SPRY3: variants seen among roughly 807,000 people sequenced by gnomAD.
SPRY3 encodes protein sprouty homolog 3.
In SPRY3, 15 loss-of-function variants were observed where a neutral mutation model predicts 20.2. The ratio of observed to expected loss-of-function variants is 0.74; its 90% CI spans 0.50 to 1.14. SPRY3 has a LOEUF of 1.14. Ranked by LOEUF, SPRY3 falls within the 50% of genes most tolerant of loss-of-function variation. The probability of loss-of-function intolerance (pLI) is 0.00; values close to 1 mark genes in which losing one functional copy is unlikely to be tolerated. For missense variants in SPRY3, 364 were observed against 363.9 expected (o/e 1.00, Z 0.00); for synonymous variants, 143 against 136.5 (o/e 1.05, Z -0.33).
intron 2 of SPRY3, among the ~76,000 whole-genome samples, chrX:155,673,162 T>C (rs1472559044): frequency 2.9e-5 from 3 of 103,770 alleles, no homozygotes; most frequent in Non-Finnish European, 3.9e-5. Context: ...CATGTATACA[T>C]ATGTAACTAA....
At chrX:155,629,510 G>A (rs2124527108) in intron 1 of SPRY3, among the ~76,000 whole-genome samples, 1 of 111,227 alleles carries the variant, frequency 9.0e-6, no homozygotes, top group East Asian at 2.8e-4. Context: ...ATAATCCTTT[G>A]GGTGTATACC....
At chrX:155,697,536 TAC>T (rs200614200) in intron 2 of SPRY3, among the ~76,000 whole-genome samples, 349 of 108,147 alleles carry the variant, frequency 3.2e-3, no homozygotes, top group African/African-American at 0.011. Context: ...TATATATATA[TAC>T]ACATATATAT....
downstream of SPRY3, chrX:155,778,211 T>C (rs1021050739): frequency 6.0e-6 from 1 of 167,038 alleles, no homozygotes; most frequent in African/African-American, 2.4e-5. Flanking sequence ...GAGCACAGTG[T>C]AAACCATTCT....
chrX:155,735,880 C>T (rs1186354206), intron 2 of SPRY3, among the ~76,000 whole-genome samples: 1 of 151,618 alleles, frequency 6.6e-6, no homozygotes, highest in Non-Finnish European at 1.5e-5. Flanking sequence ...GGTTCTTTAT[C>T]TTTTTCTATC....
chrX:155,690,897 A>G (rs1185412462), intron 2 of SPRY3, among the ~76,000 whole-genome samples: 8 of 87,673 alleles, frequency 9.1e-5, no homozygotes, highest in Non-Finnish European at 1.7e-4. Context: ...ATATACCTTT[A>G]TCAATATATG....
chrX:155,645,170 C>T (rs1297962468), intron 1 of SPRY3, among the ~76,000 whole-genome samples: 2 of 111,602 alleles, frequency 1.8e-5, no homozygotes, highest in African/African-American at 6.5e-5. Context: ...GGTGCACTAT[C>T]CTACTATGGC....
chrX:155,657,211 C>G (rs2067995013), intron 2 of SPRY3, among the ~76,000 whole-genome samples: 1 of 111,919 alleles, frequency 8.9e-6, no homozygotes, highest in African/African-American at 3.2e-5. Flanking sequence ...TGAAGCTACA[C>G]CCACTGCCAC....
chrX:155,689,883 T>G lies in SPRY3; in HGVS notation c.-282+32858T>G, dbSNP rs1195909238. On this transcript the variant is annotated intron_variant, in intron 2 of 3. Coordinates refer to ENST00000675360, the Ensembl canonical transcript of SPRY3. ...AGCCTTGGGGTTGGTTTGCTCTTGG[T>G]TCTCTAGTTCATTTCGTTGTGATGT... Among the ~76,000 whole-genome samples the G allele has an allele frequency of 6.9e-5, 6 of 87,575 alleles. 1 individual carries two copies. The highest frequency in any genetic ancestry group is 1.3e-4 in the Non-Finnish European group (6 of 46,952). 76.0% of individuals were successfully genotyped at this position (87,575 alleles called of 115,157 possible).
At chrX:155,778,140 G>A (rs1215285955), downstream of SPRY3, 1 of 167,002 alleles carries the variant, frequency 6.0e-6, no homozygotes, top group Non-Finnish European at 1.5e-5. Flanking sequence ...GTAGAGCTAA[G>A]ATTTGAACCC....
At chrX:155,692,093 C>T (rs778751098) in intron 2 of SPRY3, among the ~76,000 whole-genome samples, 1 of 108,848 alleles carries the variant, frequency 9.2e-6, no homozygotes, top group South Asian at 4.0e-4. Flanking sequence ...AAAATGAACT[C>T]GTGGAGATAG....
intron 2 of SPRY3, among the ~76,000 whole-genome samples, chrX:155,718,642 A>G (rs1252139528): frequency 6.6e-6 from 1 of 152,144 alleles, no homozygotes; most frequent in Non-Finnish European, 1.5e-5. Context: ...AATAAATATG[A>G]CATTTCAAAT....
At chrX:155,660,800 T>C (rs887384017) in intron 2 of SPRY3, among the ~76,000 whole-genome samples, 1 of 110,245 alleles carries the variant, frequency 9.1e-6, no homozygotes, top group Non-Finnish European at 1.9e-5. Context: ...TTTTTTTTAC[T>C]GTTGCTAGTT....
Position 155,721,599 on chromosome X carries a change from G to C in SPRY3, c.-281-46363G>C, listed in dbSNP as rs759237927. On this transcript the variant is annotated intron_variant, in intron 2 of 3. Coordinates refer to ENST00000675360, the Ensembl canonical transcript of SPRY3. ...CATACTATGGAGCTCCAATAACCTG[G>C]CAGCAGACTTTTCAGTGGAAAGCTT... Among the ~76,000 whole-genome samples, 55 of 152,182 alleles carry C rather than the reference G, an allele frequency of 3.6e-4. 2 individuals carry two copies. Among genetic ancestry groups the C allele is most frequent in the African/African-American group, 1.3e-3 (54 of 41,530 alleles).
In SPRY3 at chrX:155,654,471, CT is replaced by C. The variant is rs782125573; in HGVS notation, c.-440-2395del. ...TAGGTAATTTTTCAACCCTCACCCC[CT>C]CCTACTATCCCACCTTTTAGAATCT... On this transcript the variant is annotated intron_variant, in intron 1 of 3. Transcript: ENST00000675360. Among the ~76,000 whole-genome samples the C allele has an allele frequency of 3.1e-4, 34 of 110,934 alleles. No homozygotes were observed. The East Asian group carries it at 8.2e-3, about 27-fold the overall frequency.
chrX:155,615,225 T>A (rs2067847377), intron 1 of SPRY3, among the ~76,000 whole-genome samples: 1 of 113,017 alleles, frequency 8.8e-6, no homozygotes, highest in Non-Finnish European at 1.9e-5. Flanking sequence ...AGGCAGGATT[T>A]GCCCTGTGGG....
chrX:155,717,726 G>T (rs1486744336), intron 2 of SPRY3, among the ~76,000 whole-genome samples: 1 of 152,146 alleles, frequency 6.6e-6, no homozygotes, highest in Non-Finnish European at 1.5e-5. Flanking sequence ...TCCCTGGAAA[G>T]GATATGAACT....
In SPRY3 at chrX:155,632,552, C is replaced by T. The variant is rs1207460217; in HGVS notation, c.-441+19905C>T. 2.7e-5 allele frequency among the ~76,000 whole-genome samples: 3 copies of T among 111,116 alleles called. No individual in the cohort carries two copies. The East Asian group carries it at 8.5e-4, about 31-fold the overall frequency. On this transcript the variant is annotated intron_variant, in intron 1 of 3. Transcript: ENST00000675360. ...TTGAAAGAACTCAGCTTAAATGGCT[C>T]ATCTCTATTCCCCATTGTTTTCTCA...
intron 2 of SPRY3, among the ~76,000 whole-genome samples, chrX:155,760,196 T>C (rs1464497732): frequency 1.3e-5 from 2 of 152,220 alleles, no homozygotes; most frequent in African/African-American, 4.8e-5. Context: ...TATTACTTAT[T>C]ACTTACATTA....
chrX:155,665,472 G>GA (rs1440931870), intron 2 of SPRY3, among the ~76,000 whole-genome samples: 1 of 110,914 alleles, frequency 9.0e-6, no homozygotes, highest in Non-Finnish European at 1.9e-5. Flanking sequence ...GAGAAATGAA[G>GA]AAAAAAGCTA....
Sources: gnomAD v4.1 joint callset for allele counts (sites outside exome capture counted in the v4.1 genomes callset) on GRCh38, gnomAD v4.1.1 for gene constraint, MANE v1.5 for transcripts, NCBI Gene and HGNC (gene_info 2026-07-23, HGNC 2026-07-21) for gene names.